The following MRPS15 variants were observed in gnomAD, a reference collection of about 807,000 sequenced individuals.
MRPS15 encodes the protein small ribosomal subunit protein uS15m.
MRPS15 carries 25 observed loss-of-function variants against 30.7 expected under a neutral mutation model. The ratio of observed to expected loss-of-function variants is 0.81; its 90% CI spans 0.59 to 1.14. The LOEUF (loss-of-function observed/expected upper bound fraction) is 1.14. MRPS15 is among the 50% of genes most tolerant of loss of function. The pLI, the probability that MRPS15 is intolerant of heterozygous loss-of-function variation, is 0.00. For missense variants in MRPS15, 313 were observed against 321.7 expected (o/e 0.97, Z 0.21); for synonymous variants, 124 against 120.1 (o/e 1.03, Z -0.21).
chr1:36,462,691 T>C (rs1330817196), intron 2 of MRPS15, among the ~76,000 whole-genome samples: 2 of 152,296 alleles, frequency 1.3e-5, no homozygotes, highest in South Asian at 2.1e-4. Context: ...GGAAGAGGCA[T>C]AGAGTAGATG....
Position 36,458,259 on chromosome 1 carries a change from C to T in MRPS15, c.386-278G>A, listed in dbSNP as rs1650033649. 5.9e-6 allele frequency: 2 copies of T among 339,722 alleles called. No homozygotes were observed. The highest frequency in any genetic ancestry group is 5.6e-5 in the East Asian group (1 of 17,768). The allele number at this position is 339,722 out of a possible 1,614,324, so 21.0% of individuals were successfully genotyped here. On this transcript the variant is annotated intron_variant, in intron 5 of 7. Transcript: ENST00000373116. The surrounding 1 kb of genome is among the most constrained non-coding windows in gnomAD (Gnocchi z 4.5). ...CATTCTTTTTTTTGAGACGGAGTCT[C>T]GCTCTGTTGCCCAGGCTGGAGTGCA... is the stretch of plus-strand genomic sequence containing the variant.
At chr1:36,460,627 C>G in intron 5 of MRPS15, 65 bp downstream of exon 5, 1 of 1,215,444 alleles carries the variant, frequency 8.2e-7, no homozygotes. Context: ...TAGACAAGAG[C>G]CCTAGATCAG....
intron 6 of MRPS15, 50 bp downstream of exon 6, chr1:36,457,873 C>T: frequency 6.3e-7 from 1 of 1,587,128 alleles, no homozygotes; most frequent in Non-Finnish European, 8.7e-7. Context: ...CTCCGGACCC[C>T]TTTCCCCCAG....
chr1:36,457,790 A>C, intron 6 of MRPS15, 133 bp downstream of exon 6: 2 of 792,096 alleles, frequency 2.5e-6, no homozygotes, highest in Non-Finnish European at 4.3e-6. Context: ...TAAGGCTCCA[A>C]GTCCTCTGGA....
At chr1:36,463,674 G>T in intron 2 of MRPS15, 132 bp downstream of exon 2, 2 of 1,022,860 alleles carry the variant, frequency 2.0e-6, no homozygotes, top group Non-Finnish European at 2.8e-6. Flanking sequence ...TAAGGTGGAC[G>T]TGGGGTCTTT....
chr1:36,461,120 A>T (rs1650090040), intron 4 of MRPS15, 144 bp downstream of exon 4: 3 of 818,102 alleles, frequency 3.7e-6, no homozygotes, highest in Non-Finnish European at 6.3e-6. Context: ...TGCTCTGTCT[A>T]GGGATATTGA....
chr1:36,462,053 C>A lies in MRPS15; in HGVS notation c.251+35G>T, dbSNP rs1650109430. ...CACTCCCCGACAATCCTCCCAGGGCCCCCTGCCTCCTCTACTAGGTTTCTT... is the reference window on the plus strand; with the variant it reads ...CACTCCCCGACAATCCTCCCAGGGCACCCTGCCTCCTCTACTAGGTTTCTT... On this transcript the variant is annotated intron_variant, in intron 3 of 7. Coordinates refer to ENST00000373116, the MANE Select transcript of MRPS15 (RefSeq NM_031280.4). 1.9e-6 allele frequency: 3 copies of A among 1,575,074 alleles called. No individual in the cohort carries two copies. The African/African-American group carries it at 4.1e-5, about 21-fold the overall frequency.
In MRPS15 at chr1:36,462,082, G is replaced by C. The variant is rs1270777479; in HGVS notation, c.251+6C>G. The C allele has an allele frequency of 3.7e-6, 6 of 1,611,922 alleles. No homozygotes were observed. The highest frequency in any genetic ancestry group is 5.1e-6 in the Non-Finnish European group (6 of 1,178,498). On this transcript the variant is annotated splice_donor_region_variant and intron_variant, in intron 3 of 7. Transcript: ENST00000373116. ...TGCCTCCTCTACTAGGTTTCTTCCT[G>C]CTTACTTCTCAATTCCAGGGACATT... is the stretch of plus-strand genomic sequence containing the variant.
rs962916547 is a variant in MRPS15, at chr1:36,456,791, C to T, written c.445-413G>A. 5.3e-5 allele frequency among the ~76,000 whole-genome samples: 8 copies of T among 152,198 alleles called. 1 individual carries two copies. Among genetic ancestry groups the T allele is most frequent in the Non-Finnish European group, 1.2e-4 (8 of 68,038 alleles). ...GCTGCTGCCCTGTGAAGGACCTCTGCAGTAGGGCTGCTGTCCCACACCTCA... is the reference window on the plus strand; with the variant it reads ...GCTGCTGCCCTGTGAAGGACCTCTGTAGTAGGGCTGCTGTCCCACACCTCA... On this transcript the variant is annotated intron_variant, in intron 6 of 7. Transcript: ENST00000373116.
At chr1:36,457,779 G>A (rs1437255284) in intron 6 of MRPS15, 144 bp downstream of exon 6, 2 of 730,786 alleles carry the variant, frequency 2.7e-6, no homozygotes, top group East Asian at 5.2e-5. Flanking sequence ...GCATGGCCTT[G>A]TAAGGCTCCA....
rs1470553601 is a variant in MRPS15, at chr1:36,464,327, G to C, written c.-52C>G. On this transcript the variant is annotated 5_prime_UTR_variant, in exon 1 of 8. Coordinates refer to ENST00000373116, the MANE Select transcript of MRPS15 (RefSeq NM_031280.4). ...GCGCCGCGGCCGCCGTTCGCTTTGCGGCACGGACCGGGTTACATGGGCGCC... is the reference window on the plus strand; with the variant it reads ...GCGCCGCGGCCGCCGTTCGCTTTGCCGCACGGACCGGGTTACATGGGCGCC... The C allele has an allele frequency of 2.5e-6, 4 of 1,586,558 alleles. No individual in the cohort carries two copies. Among genetic ancestry groups the C allele is most frequent in the Non-Finnish European group, 3.4e-6 (4 of 1,165,652 alleles).
chr1:36,457,759 G>T (rs2124078797), intron 6 of MRPS15, among the ~76,000 whole-genome samples, 164 bp downstream of exon 6: 1 of 152,310 alleles, frequency 6.6e-6, no homozygotes, highest in East Asian at 1.9e-4. Context: ...TTAACCCCTG[G>T]TGACACTCAG....
chr1:36,462,201 C>G, intron 2 of MRPS15, 38 bp from the exon 3 acceptor site: 1 of 1,524,174 alleles, frequency 6.6e-7, no homozygotes, highest in Admixed American at 1.7e-5. Context: ...CACCCAGAGT[C>G]AACTCTCGCT....
chr1:36,456,579 CA>C, intron 6 of MRPS15: 1 of 569,456 alleles, frequency 1.8e-6, no homozygotes, highest in South Asian at 2.4e-5. Flanking sequence ...ATCTGATTCA[CA>C]AAAGGTCTTT....
intron 2 of MRPS15, among the ~76,000 whole-genome samples, chr1:36,463,112 G>A (rs983619562): frequency 2.0e-5 from 3 of 151,742 alleles, no homozygotes; most frequent in Admixed American, 6.6e-5. Context: ...ACAGGCGCGC[G>A]CTACCACACC....
Position 36,462,170 on chromosome 1 carries a change from A to G in MRPS15, c.176-7T>C. 1 of 1,608,576 alleles carries G rather than the reference A, an allele frequency of 6.2e-7. No homozygotes were observed. The highest frequency in any genetic ancestry group is 8.5e-7 in the Non-Finnish European group (1 of 1,175,972). On this transcript the variant is annotated splice_polypyrimidine_tract_variant and splice_region_variant and intron_variant, in intron 2 of 7. Coordinates refer to ENST00000373116, the MANE Select transcript of MRPS15 (RefSeq NM_031280.4). ...TCATCCAGCCTAGACTGGGCTGTCA[A>G]GTAAATATGGGGATAGAAAACACCC...
chr1:36,461,721 T>G (rs990910011), intron 3 of MRPS15, among the ~76,000 whole-genome samples: 1 of 152,214 alleles, frequency 6.6e-6, no homozygotes, highest in African/African-American at 2.4e-5. Context: ...AAACTCTAGC[T>G]CTGCCCTTTA....
intron 6 of MRPS15, chr1:36,456,670 T>G: frequency 3.6e-6 from 1 of 275,280 alleles, no homozygotes. Flanking sequence ...TCTCCTACAC[T>G]ACCCACTCAG....
Position 36,464,180 on chromosome 1 carries a change from C to G in MRPS15, c.96G>C (p.Lys32Asn), listed in dbSNP as rs753733557. Residue 32 changes from lysine (K) to asparagine (N), a missense_variant, in exon 1 of 8, where the codon AAG (lysine) becomes AAC (asparagine). Coordinates refer to ENST00000373116, the MANE Select transcript of MRPS15 (RefSeq NM_031280.4). The stretch of plus-strand genomic sequence containing the variant: ...GCAGGCCCCACTGGTTGAAAGGAAA[C>G]TTGGCGCTCCCACCGCCCGGCAGCC... The part of the protein sequence containing the change: ...VPGLPGGGSA[K>N]FPFNQWGLQP... The G allele has an allele frequency of 1.9e-6, 3 of 1,613,842 alleles. No homozygotes were observed. In the South Asian group the frequency reaches 3.3e-5, roughly 18 times the overall value.
Sources: gnomAD v4.1 joint callset for allele counts (sites outside exome capture counted in the v4.1 genomes callset) on GRCh38, gnomAD v4.1.1 for gene constraint, Gnocchi (gnomAD v3.1) non-coding constraint, MANE v1.5 for transcripts, NCBI Gene and HGNC (gene_info 2026-07-23, HGNC 2026-07-21) for gene names.